Variants in ATAT1 observed in about 807,000 individuals in gnomAD.
The protein encoded by ATAT1 is alpha-tubulin N-acetyltransferase 1.
In ATAT1, 42 loss-of-function variants were observed where a neutral mutation model predicts 57.2. The ratio of observed to expected loss-of-function variants is 0.73; its 90% CI spans 0.57 to 0.95. The LOEUF (loss-of-function observed/expected upper bound fraction) is 0.95, where lower values mean the gene tolerates loss of function less well. ATAT1 is among the 40% of genes least tolerant of loss of function. The probability of loss-of-function intolerance (pLI) is 0.00; values close to 1 mark genes in which losing one functional copy is unlikely to be tolerated. For synonymous variants in ATAT1, 168 were observed against 187.1 expected, an observed-to-expected ratio of 0.90 and a Z score of 0.83; for missense variants, 454 against 523.7, an observed-to-expected ratio of 0.87 and a Z score of 1.30.
intron 6 of ATAT1, among the ~76,000 whole-genome samples, chr6:30,638,435 G>A (rs1224380487): frequency 6.6e-6 from 1 of 151,960 alleles, no homozygotes; most frequent in Admixed American, 6.6e-5. Flanking sequence ...TAGGATTACA[G>A]GCGCACGTCA....
chr6:30,642,113 GGGA>G, intron 8 of ATAT1, 60 bp from the exon 9 acceptor site: 1 of 1,610,532 alleles, frequency 6.2e-7, no homozygotes. Flanking sequence ...TATAGTGGCT[GGGA>G]GGAGGGGTGC....
chr6:30,627,923 T>G lies in ATAT1; in HGVS notation c.285+12T>G, dbSNP rs1259511294. The G allele has an allele frequency of 6.2e-7, 1 of 1,612,846 alleles. No individual in the cohort carries two copies. The highest frequency in any genetic ancestry group is 8.5e-7 in the Non-Finnish European group (1 of 1,179,808). On this transcript the variant is annotated intron_variant, in intron 4 of 12. Coordinates refer to ENST00000330083, the MANE Select transcript of ATAT1 (RefSeq NM_001031722.4). ...AGCTCTTTGTACTGGTGAGTGTTAT[T>G]GGATGCTAGGAGTTCGTATACCTTG...
rs1396064774 is a variant in ATAT1, at chr6:30,627,615, C to G, written c.133-21C>G. On this transcript the variant is annotated intron_variant, in intron 2 of 12. Transcript: ENST00000330083. ...TCCTTCGGAGAGACTTGCAGAAAGT[C>G]TGACTTAATCTTCCCTGCAGGCCCA... The G allele has an allele frequency of 2.5e-6, 4 of 1,611,752 alleles. No homozygotes were observed. In the African/African-American group the frequency reaches 4.0e-5, roughly 16 times the overall value.
At chr6:30,643,771 C>T (rs1766051203) in intron 10 of ATAT1, 1 of 1,375,968 alleles carries the variant, frequency 7.3e-7, no homozygotes, top group Non-Finnish European at 9.4e-7. Flanking sequence ...CAAAAGCACC[C>T]CTTCTCTCCT....
intron 6 of ATAT1, among the ~76,000 whole-genome samples, chr6:30,629,301 TGGCACG>T (rs1762348063): frequency 2.6e-5 from 4 of 151,390 alleles, no homozygotes; most frequent in African/African-American, 9.7e-5. Context: ...TGGATTGCAG[TGGCACG>T]ATCACAGCTC....
chr6:30,645,499 C>T (rs1322945839), intron 10 of ATAT1, among the ~76,000 whole-genome samples: 1 of 152,166 alleles, frequency 6.6e-6, no homozygotes, highest in Non-Finnish European at 1.5e-5. Flanking sequence ...CAAGCCTGAG[C>T]CACCGCGCCC....
chr6:30,644,471 T>C, intron 10 of ATAT1: 3 of 985,792 alleles, frequency 3.0e-6, no homozygotes, highest in Middle Eastern at 5.2e-4. Flanking sequence ...GCCCAGAGTA[T>C]AGCTAGATCC....
intron 10 of ATAT1, 37 bp from the exon 11 acceptor site, chr6:30,645,858 G>A (rs1464107835): frequency 1.4e-6 from 2 of 1,423,002 alleles, no homozygotes; most frequent in Non-Finnish European, 1.9e-6. Context: ...CTTTCATCCA[G>A]TAGCCTCCTC....
At chr6:30,643,800 T>G in intron 10 of ATAT1, 1 of 1,342,226 alleles carries the variant, frequency 7.5e-7, no homozygotes, top group East Asian at 2.7e-5. Context: ...CTCTGAATAC[T>G]TTCCCAACAG....
rs759697214 is a variant in ATAT1, at chr6:30,627,653, T to C, written c.150T>C (p.Ala50=). 2 of 1,612,998 alleles carry C rather than the reference T, an allele frequency of 1.2e-6. No homozygotes were observed. Among genetic ancestry groups the C allele is most frequent in the East Asian group, 4.5e-5 (2 of 44,894 alleles). ...CCCTGCAGGCCCAGAATCTTTCCGC[T>C]CCTATCACTAGTGCATCAAGGATGC... Residue 50 remains alanine, a synonymous_variant, in exon 3 of 13, where the codon GCT becomes GCC. Coordinates refer to ENST00000330083, the MANE Select transcript of ATAT1 (RefSeq NM_001031722.4).
At chr6:30,645,120 AAC>A (rs1418810943) in intron 10 of ATAT1, among the ~76,000 whole-genome samples, 1 of 152,152 alleles carries the variant, frequency 6.6e-6, no homozygotes, top group East Asian at 1.9e-4. Context: ...TTGAGAGTGC[AAC>A]ACAGTCTGTC....
chr6:30,642,784 G>A lies in ATAT1; in HGVS notation c.705G>A (p.Val235=), dbSNP rs751455955. The A allele has an allele frequency of 6.2e-7, 1 of 1,610,140 alleles. No individual in the cohort carries two copies. Among genetic ancestry groups the A allele is most frequent in the Non-Finnish European group, 8.5e-7 (1 of 1,178,624 alleles). ...TGTCCCCAGTTCTGAAGGTAGCTGT[G>A]GAGCCTCCTTGGCCCCTAAACAGGG... Residue 235 remains valine, a synonymous_variant, in exon 10 of 13, where the codon GTG becomes GTA. Transcript: ENST00000330083.
At chr6:30,638,999 G>A (rs1472921052) in intron 6 of ATAT1, among the ~76,000 whole-genome samples, 6 of 152,016 alleles carry the variant, frequency 3.9e-5, no homozygotes, top group African/African-American at 1.4e-4. Flanking sequence ...TTTATCCTTT[G>A]AGACGGAGTC....
At chr6:30,627,393 A>G (rs1761907287) in intron 1 of ATAT1, 67 bp from the exon 2 acceptor site, 3 of 1,601,494 alleles carry the variant, frequency 1.9e-6, no homozygotes, top group Admixed American at 1.7e-5. Flanking sequence ...CCAGGTTCCC[A>G]GGACTGACTG....
chr6:30,640,655 T>G (rs1450050649), intron 8 of ATAT1, 52 bp downstream of exon 8: 1 of 1,589,874 alleles, frequency 6.3e-7, no homozygotes, highest in African/African-American at 1.3e-5. Context: ...GGCTACTTAC[T>G]CTAGATGCCA....
intron 6 of ATAT1, among the ~76,000 whole-genome samples, chr6:30,639,637 C>A (rs923750285): frequency 7.2e-5 from 11 of 151,936 alleles, no homozygotes; most frequent in African/African-American, 2.7e-4. Context: ...CCACCACATC[C>A]GGCTAATTTT....
intron 10 of ATAT1, chr6:30,643,417 A>G: frequency 6.6e-7 from 1 of 1,503,766 alleles, no homozygotes; most frequent in Non-Finnish European, 8.9e-7. Flanking sequence ...GGGAGTGGGC[A>G]TTTCCTTTAT....
At position 30,628,275 on chromosome 6, in the gene ATAT1, G is replaced by A. The variant is rs1022808846; in HGVS notation, c.400-54G>A. On this transcript the variant is annotated intron_variant, in intron 5 of 12. Coordinates refer to ENST00000330083, the MANE Select transcript of ATAT1 (RefSeq NM_001031722.4). ...TCCCTTCCCAGGCTTCTGGCTTCCT[G>A]TTGGCATGCTTTCCCCATACTTCCT... The A allele has an allele frequency of 8.2e-6, 13 of 1,577,510 alleles. 1 individual carries two copies. Among genetic ancestry groups the A allele is most frequent in the African/African-American group, 1.3e-5 (1 of 74,092 alleles).
At chr6:30,628,575 T>G (rs1762161016) in intron 6 of ATAT1, 145 bp downstream of exon 6, 2 of 702,594 alleles carry the variant, frequency 2.8e-6, no homozygotes, top group South Asian at 3.9e-5. Flanking sequence ...TGGTACCATC[T>G]CTCATCCTGT....
Sources: allele counts gnomAD v4.1 joint callset (sites outside exome capture counted in the v4.1 genomes callset), GRCh38; gene constraint gnomAD v4.1.1; transcripts MANE v1.5; gene names NCBI Gene and HGNC (gene_info 2026-07-23, HGNC 2026-07-21).